ANK3: variants seen among roughly 807,000 people sequenced by gnomAD.
ANK3 encodes the protein ankyrin 3.
Under a neutral mutation model 370.9 loss-of-function variants are expected in ANK3, and 57 were observed. The ratio of observed to expected loss-of-function variants is 0.15; its 90% CI spans 0.12 to 0.19. The LOEUF (loss-of-function observed/expected upper bound fraction) is 0.19, where lower values mean the gene tolerates loss of function less well. ANK3 is among the 10% of genes least tolerant of loss of function. ANK3 has a pLI of 1.00. For missense variants in ANK3, 4,439 were observed against 5,302.1 expected (o/e 0.84, Z 5.06); for synonymous variants, 1,929 against 1,946.3 (o/e 0.99, Z 0.23).
chr10:60,102,141 G>T (rs983959111), intron 28 of ANK3, among the ~76,000 whole-genome samples: 2 of 149,842 alleles, frequency 1.3e-5, no homozygotes, highest in African/African-American at 4.9e-5. Flanking sequence ...CCCACTTGGG[G>T]TGTATACAAC....
At position 60,474,330 on chromosome 10, in the gene ANK3, C is replaced by A. The variant is rs117589455; in HGVS notation, c.96+140856G>T. ...TGGAGACAGTGCTTCCACGCACAGG[C>A]AAACTTAGAGATCTTTATGGGATTC... On this transcript the variant is annotated intron_variant, in intron 2 of 43. Coordinates refer to the ANK3 transcript ENST00000373827. 6.3e-3 allele frequency among the ~76,000 whole-genome samples: 959 copies of A among 152,172 alleles called. 2 individuals carry two copies. Among genetic ancestry groups the A allele is most frequent in the Non-Finnish European group, 0.011 (773 of 68,010 alleles).
chr10:60,434,238 C>T (rs1367053644), intron 2 of ANK3, among the ~76,000 whole-genome samples: 1 of 152,140 alleles, frequency 6.6e-6, no homozygotes. Context: ...GTATAACATA[C>T]AGATACTTGT....
At chr10:60,104,405 G>GAAAGAAAAGAAAAGA (rs71015766) in intron 28 of ANK3, among the ~76,000 whole-genome samples, 2,502 of 87,950 alleles carry the variant, frequency 0.028, 67 homozygotes, top group African/African-American at 0.066. Flanking sequence ...AACAAAGAAA[G>GAAAGAAAAGAAAAGA]AAAGAAAAGA....
chr10:60,429,904 C>A lies in ANK3; in HGVS notation c.97-150265G>T, dbSNP rs545710846. 3.3e-5 allele frequency among the ~76,000 whole-genome samples: 5 copies of A among 152,244 alleles called. No homozygotes were observed. In the South Asian group the frequency reaches 1.0e-3, roughly 32 times the overall value. On this transcript the variant is annotated intron_variant, in intron 2 of 43. Coordinates refer to the ANK3 transcript ENST00000373827. ...TGTAACATTTAAATACAAACCATTACTTTGATCCTCACACCGTTTTTCTAA... is the reference window on the plus strand; with the variant it reads ...TGTAACATTTAAATACAAACCATTAATTTGATCCTCACACCGTTTTTCTAA...
chr10:60,098,953 A>C (rs1188108866), intron 28 of ANK3, among the ~76,000 whole-genome samples: 1 of 152,206 alleles, frequency 6.6e-6, no homozygotes, highest in African/African-American at 2.4e-5. Context: ...CTATTAATAT[A>C]ATTTCTGACA....
intron 2 of ANK3, among the ~76,000 whole-genome samples, chr10:60,410,193 C>T (rs1157170821): frequency 1.3e-5 from 2 of 152,022 alleles, no homozygotes; most frequent in Non-Finnish European, 2.9e-5. Context: ...CTTTGGGAGG[C>T]TGAGGCAGGA....
chr10:60,071,488 G>A lies in ANK3; in HGVS notation c.9393C>T (p.Thr3131=), dbSNP rs780210988. ...GCTTTTGCTGTCTAGTTGTATAAAA[G>A]GTCCCCCTGGTTTCTTGTACTGTCT... is the stretch of plus-strand genomic sequence containing the variant. The part of the protein sequence containing the change: ...ECKTVQETRG[T]FYTTRQQKQP... Residue 3131 remains threonine, a synonymous_variant, in exon 37 of 44, where the codon ACC becomes ACT. Coordinates refer to ENST00000280772, the MANE Select transcript of ANK3 (RefSeq NM_020987.5). 6.2e-7 allele frequency: 1 copy of A among 1,613,784 alleles called. No homozygotes were observed. The highest frequency in any genetic ancestry group is 1.1e-5 in the South Asian group (1 of 91,052).
At chr10:60,045,378 T>C (rs1246233813) in intron 42 of ANK3, among the ~76,000 whole-genome samples, 2 of 152,178 alleles carry the variant, frequency 1.3e-5, no homozygotes, top group Admixed American at 6.5e-5. Context: ...TATTTTCCTG[T>C]CATAGACAGC....
chr10:60,149,390 C>G (rs1331696654), intron 23 of ANK3, among the ~76,000 whole-genome samples: 2 of 152,130 alleles, frequency 1.3e-5, no homozygotes, highest in African/African-American at 4.8e-5. Flanking sequence ...GGAAGCAGGT[C>G]AGACTTTTCA....
In ANK3 at chr10:60,055,670, C is replaced by T; in HGVS notation, c.13053G>A (p.Gly4351=). ...LSLHEEEGSS[G]SEQKQGEGFK... is the part of the protein sequence containing the mutation. ...CCAGATGACGTACCTTTTGCTCAGA[C>T]CCACTGGACCCCTCTTCTTCATGGA... The change falls in exon 42 of 44, where the codon GGG becomes GGA. Residue 4351 remains glycine (G), a synonymous_variant. Transcript: ENST00000280772. The T allele has an allele frequency of 6.2e-7, 1 of 1,608,924 alleles. No homozygotes were observed. The highest frequency in any genetic ancestry group is 8.5e-7 in the Non-Finnish European group (1 of 1,178,452).
intron 1 of ANK3, among the ~76,000 whole-genome samples, chr10:60,367,035 A>T (rs1445590654): frequency 1.3e-5 from 2 of 152,198 alleles, no homozygotes; most frequent in African/African-American, 4.8e-5. Context: ...TCCTTTCCCA[A>T]CATCGTTCTA....
intron 43 of ANK3, 134 bp downstream of exon 43, chr10:60,042,538 C>T (rs2076279150): frequency 1.1e-6 from 1 of 906,986 alleles, no homozygotes; most frequent in African/African-American, 1.7e-5. Context: ...ACTTGAACAA[C>T]TTCGTATTTG....
chr10:60,651,474 T>C (rs2078788573), intron 1 of ANK3, among the ~76,000 whole-genome samples: 1 of 152,230 alleles, frequency 6.6e-6, no homozygotes, highest in African/African-American at 2.4e-5. Flanking sequence ...ATTGAGGACA[T>C]ATACAAGAAA....
At chr10:60,268,346 C>T (rs988452820) in intron 5 of ANK3, among the ~76,000 whole-genome samples, 2 of 152,112 alleles carry the variant, frequency 1.3e-5, no homozygotes, top group South Asian at 2.1e-4. Context: ...AGGCTCCCTC[C>T]GAATTCTCAG....
chr10:60,082,051 T>G lies in ANK3; in HGVS notation c.4350+99A>C. The G allele has an allele frequency of 1.2e-5, 11 of 901,952 alleles. No individual in the cohort carries two copies. The South Asian group carries it at 1.9e-4, about 16-fold the overall frequency. The allele number at this position is 901,952 out of a possible 1,614,324, so 55.9% of individuals were successfully genotyped here. Reference sequence around the variant, plus strand: ...CTACTTAAGACCTGAAAAATATAATTTATATGTTTCCCACACTTTAGCCCT... The same window carrying G: ...CTACTTAAGACCTGAAAAATATAATGTATATGTTTCCCACACTTTAGCCCT... On this transcript the variant is annotated intron_variant, in intron 35 of 43. Coordinates refer to ENST00000280772, the MANE Select transcript of ANK3 (RefSeq NM_020987.5).
intron 2 of ANK3, among the ~76,000 whole-genome samples, chr10:60,540,954 C>T (rs769327050): frequency 1.7e-4 from 26 of 151,752 alleles, no homozygotes; most frequent in Non-Finnish European, 3.4e-4. Context: ...ACTATAGTAT[C>T]ATCTAAGTGA....
In ANK3 at chr10:60,710,288, A is replaced by C. The variant is rs549940553; in HGVS notation, c.57+22975T>G. The stretch of plus-strand genomic sequence containing the variant: ...CACAGTAGCAACAGGAAATGACTAC[A>C]AAATTATTACAGTAGTTCAGTATGT... On this transcript the variant is annotated intron_variant, in intron 1 of 43. Transcript: ENST00000373827. Among the ~76,000 whole-genome samples, 6 of 152,336 alleles carry C rather than the reference A, an allele frequency of 3.9e-5. No homozygotes were observed. In the South Asian group the frequency reaches 1.2e-3, roughly 32 times the overall value.
At chr10:60,362,593 T>C (rs1333313513) in intron 1 of ANK3, among the ~76,000 whole-genome samples, 4 of 152,042 alleles carry the variant, frequency 2.6e-5, no homozygotes, top group Admixed American at 2.0e-4. Flanking sequence ...TACGATTGAG[T>C]GGTCAGGGCT....
At chr10:60,428,257 C>G (rs1249278970) in intron 2 of ANK3, among the ~76,000 whole-genome samples, 1 of 152,128 alleles carries the variant, frequency 6.6e-6, no homozygotes, top group East Asian at 1.9e-4. Flanking sequence ...GAAACATGAC[C>G]AAGCACGAGA....
Sources: gnomAD v4.1 joint callset for allele counts (sites outside exome capture counted in the v4.1 genomes callset) on GRCh38, gnomAD v4.1.1 for gene constraint, MANE v1.5 for transcripts, NCBI Gene and HGNC (gene_info 2026-07-23, HGNC 2026-07-21) for gene names.